The following LRP1B variants were observed in gnomAD, a reference collection of about 807,000 sequenced individuals.
LRP1B encodes LDL receptor related protein 1B.
Under a neutral mutation model 556.6 loss-of-function variants are expected in LRP1B, and 217 were observed. The observed-to-expected ratio is 0.39, with a 90% CI of 0.35 to 0.44. The LOEUF is 0.44. LRP1B is among the 20% of genes least tolerant of loss of function. The pLI, the probability that LRP1B is intolerant of heterozygous loss-of-function variation, is 1.00. For missense variants in LRP1B, 5,053 were observed against 5,620.8 expected, an observed-to-expected ratio of 0.90 and a Z score of 3.23; for synonymous variants, 2,047 against 1,865.8, an observed-to-expected ratio of 1.10 and a Z score of -2.50.
At chr2:140,533,786 A>C (rs567579156) in intron 47 of LRP1B, among the ~76,000 whole-genome samples, 4 of 152,296 alleles carry the variant, frequency 2.6e-5, no homozygotes, top group South Asian at 2.1e-4. Context: ...GGAACTGAAG[A>C]GGCGAGAAAT....
chr2:142,108,458 C>G (rs1045927075), intron 1 of LRP1B, among the ~76,000 whole-genome samples: 4 of 152,116 alleles, frequency 2.6e-5, no homozygotes, highest in African/African-American at 9.7e-5. Flanking sequence ...CATAGGTTGT[C>G]AATGTTATTG....
At chr2:141,820,788 T>C (rs746495393) in intron 1 of LRP1B, among the ~76,000 whole-genome samples, 21 of 152,054 alleles carry the variant, frequency 1.4e-4, no homozygotes, top group Non-Finnish European at 2.8e-4. Flanking sequence ...ACAAGCCAAA[T>C]AAGAATAAAA....
At chr2:140,280,926 A>G (rs1682888058) in intron 84 of LRP1B, among the ~76,000 whole-genome samples, 1 of 151,832 alleles carries the variant, frequency 6.6e-6, no homozygotes. Flanking sequence ...TGTTAGGGTA[A>G]TTACACTAAG....
At chr2:140,256,109 A>C (rs746496463) in intron 86 of LRP1B, among the ~76,000 whole-genome samples, 140 of 152,180 alleles carry the variant, frequency 9.2e-4, no homozygotes, top group Non-Finnish European at 1.5e-3. Context: ...AATTAAATGT[A>C]ATTTAATTCC....
At chr2:141,542,917 T>G (rs1266060893) in intron 2 of LRP1B, among the ~76,000 whole-genome samples, 1 of 152,170 alleles carries the variant, frequency 6.6e-6, no homozygotes, top group East Asian at 1.9e-4. Flanking sequence ...ATTCAGGTAT[T>G]AAAAAAGATT....
At chr2:141,945,181 C>T (rs1019015027) in intron 1 of LRP1B, among the ~76,000 whole-genome samples, 1 of 152,066 alleles carries the variant, frequency 6.6e-6, no homozygotes, top group African/African-American at 2.4e-5. Flanking sequence ...ATTCTTTATG[C>T]TTTACATTAT....
chr2:141,645,914 G>C (rs1464793275), intron 2 of LRP1B, among the ~76,000 whole-genome samples: 1 of 152,064 alleles, frequency 6.6e-6, no homozygotes, highest in Non-Finnish European at 1.5e-5. Flanking sequence ...TTTAAAAAAA[G>C]TAATGAATTT....
intron 43 of LRP1B, among the ~76,000 whole-genome samples, chr2:140,554,016 A>G (rs1334273507): frequency 1.3e-5 from 2 of 152,124 alleles, no homozygotes; most frequent in Non-Finnish European, 2.9e-5. Flanking sequence ...GAAGGAGGAT[A>G]GAGAAAAGAT....
chr2:140,397,530 C>T (rs952848633), intron 66 of LRP1B, among the ~76,000 whole-genome samples: 1 of 152,098 alleles, frequency 6.6e-6, no homozygotes, highest in African/African-American at 2.4e-5. Flanking sequence ...ACAAATTGCC[C>T]ATAGTCATAC....
intron 3 of LRP1B, among the ~76,000 whole-genome samples, chr2:141,388,755 A>G (rs1177608599): frequency 1.3e-5 from 2 of 152,192 alleles, no homozygotes; most frequent in Admixed American, 1.3e-4. Flanking sequence ...AATATGTAGC[A>G]AAATCTCAAA....
At chr2:140,329,147 C>T (rs1680656819) in intron 79 of LRP1B, among the ~76,000 whole-genome samples, 2 of 152,026 alleles carry the variant, frequency 1.3e-5, no homozygotes. Flanking sequence ...TCTGACACAC[C>T]ATTCATTAAC....
At chr2:140,713,322 A>G (rs1687098739) in intron 37 of LRP1B, among the ~76,000 whole-genome samples, 1 of 110,762 alleles carries the variant, frequency 9.0e-6, no homozygotes, top group Non-Finnish European at 2.1e-5. Context: ...AAAAAGGTAT[A>G]GAATTTTTTT....
At chr2:140,413,564 C>G (rs1685053364) in intron 66 of LRP1B, among the ~76,000 whole-genome samples, 1 of 152,132 alleles carries the variant, frequency 6.6e-6, no homozygotes, top group Admixed American at 6.5e-5. Flanking sequence ...AACATTTAAA[C>G]AAGAAGACAC....
At chr2:141,276,520 T>G (rs1031623074) in intron 3 of LRP1B, among the ~76,000 whole-genome samples, 8 of 152,164 alleles carry the variant, frequency 5.3e-5, no homozygotes, top group African/African-American at 1.9e-4. Flanking sequence ...AATGTTTAAC[T>G]CCCATTTACT....
chr2:140,838,050 C>G (rs1038818935), intron 31 of LRP1B, among the ~76,000 whole-genome samples: 6 of 150,804 alleles, frequency 4.0e-5, no homozygotes, highest in Admixed American at 1.3e-4. Flanking sequence ...TTATTATAAG[C>G]TGTTAGGCCT....
At chr2:141,264,797 G>A (rs907995601) in intron 3 of LRP1B, among the ~76,000 whole-genome samples, 2 of 152,092 alleles carry the variant, frequency 1.3e-5, no homozygotes, top group African/African-American at 4.8e-5. Flanking sequence ...ATGTTTTTTG[G>A]GTTTTGTTTT....
chr2:141,841,327 T>C (rs1448679499), intron 1 of LRP1B, among the ~76,000 whole-genome samples: 2 of 152,208 alleles, frequency 1.3e-5, no homozygotes, highest in Non-Finnish European at 2.9e-5. Context: ...TTTAAAAACA[T>C]AACTTTCTAA....
chr2:141,399,003 C>T lies in LRP1B; in HGVS notation c.343+81393G>A, dbSNP rs183905379. On this transcript the variant is annotated intron_variant, in intron 3 of 90. Transcript: ENST00000389484. ...GGGCGCAGTGGCTTATGCCTGTAAT[C>T]CCAGCACTTTAGGAGGCAGAGGTGG... Among the ~76,000 whole-genome samples the T allele has an allele frequency of 2.1e-3, 325 of 152,290 alleles. 2 individuals are homozygous for T. Among genetic ancestry groups the T allele is most frequent in the Non-Finnish European group, 2.1e-3 (144 of 68,022 alleles).
chr2:140,874,295 A>C (rs1693234801), intron 25 of LRP1B, among the ~76,000 whole-genome samples: 1 of 152,118 alleles, frequency 6.6e-6, no homozygotes, highest in African/African-American at 2.4e-5. Context: ...TTTTTTTAAC[A>C]CAAAGTTCAA....
Sources: gnomAD v4.1 joint callset for allele counts (sites outside exome capture counted in the v4.1 genomes callset) on GRCh38, gnomAD v4.1.1 for gene constraint, MANE v1.5 for transcripts, NCBI Gene and HGNC (gene_info 2026-07-23, HGNC 2026-07-21) for gene names.